Variants in SGMS1 observed in about 807,000 individuals in gnomAD.
The protein encoded by SGMS1 is phosphatidylcholine:ceramide cholinephosphotransferase 1.
In SGMS1, 13 loss-of-function variants were observed where a neutral mutation model predicts 46.2. That is an observed-to-expected ratio of 0.28 (90% CI 0.18 to 0.45). SGMS1 has a LOEUF of 0.45. SGMS1 is among the 20% of genes least tolerant of loss of function. The pLI is 1.00. For synonymous variants in SGMS1, 203 were observed against 187.8 expected (o/e 1.08, Z -0.66); for missense variants, 324 against 519.9 (o/e 0.62, Z 3.66).
chr10:50,516,391 T>C (rs1837806616), intron 3 of SGMS1, among the ~76,000 whole-genome samples: 1 of 152,072 alleles, frequency 6.6e-6, no homozygotes, highest in Non-Finnish European at 1.5e-5. Context: ...AAGAAACACA[T>C]CCACAGGCAG....
intron 1 of SGMS1, among the ~76,000 whole-genome samples, chr10:50,596,398 G>A (rs1233573713): frequency 1.3e-5 from 2 of 152,190 alleles, no homozygotes; most frequent in African/African-American, 4.8e-5. Flanking sequence ...AGCTGGTCTT[G>A]AATTCCTGAC....
intron 6 of SGMS1, among the ~76,000 whole-genome samples, chr10:50,370,534 A>G (rs1312825207): frequency 2.0e-5 from 3 of 151,618 alleles, no homozygotes; most frequent in African/African-American, 7.3e-5. Context: ...TGAGGTCAAG[A>G]GATTGAGACC....
intron 5 of SGMS1, among the ~76,000 whole-genome samples, chr10:50,441,694 G>A (rs1199684918): frequency 6.6e-6 from 1 of 152,194 alleles, no homozygotes; most frequent in Non-Finnish European, 1.5e-5. Context: ...AGAAAACACT[G>A]CTTCCTTACC....
chr10:50,458,009 G>A (rs1837214206), intron 5 of SGMS1, among the ~76,000 whole-genome samples: 1 of 152,192 alleles, frequency 6.6e-6, no homozygotes, highest in African/African-American at 2.4e-5. Flanking sequence ...GGTAAGCACT[G>A]GGTGGGAAAT....
intron 2 of SGMS1, among the ~76,000 whole-genome samples, chr10:50,533,975 A>G (rs1837977593): frequency 6.6e-6 from 1 of 152,196 alleles, no homozygotes; most frequent in Non-Finnish European, 1.5e-5. Context: ...ACTTGAGCCC[A>G]GGAGTTCAAG....
At chr10:50,501,214 A>G (rs1837658664) in intron 3 of SGMS1, among the ~76,000 whole-genome samples, 1 of 152,156 alleles carries the variant, frequency 6.6e-6, no homozygotes, top group South Asian at 2.1e-4. Flanking sequence ...TACTTGGAGT[A>G]AATTCTCATT....
In SGMS1 at chr10:50,327,325, A is replaced by C; in HGVS notation, c.624-3T>G. 1 of 1,535,942 alleles carries C rather than the reference A, an allele frequency of 6.5e-7. No individual in the cohort carries two copies. Among genetic ancestry groups the C allele is most frequent in the Non-Finnish European group, 9.0e-7 (1 of 1,112,856 alleles). ...AAAATCTTCTGCTAATAATAGACCTAGAAAAAGGGAAAAACAGGGCAGATT... is the reference window on the plus strand; with the variant it reads ...AAAATCTTCTGCTAATAATAGACCTCGAAAAAGGGAAAAACAGGGCAGATT... On this transcript the variant is annotated splice_region_variant and splice_polypyrimidine_tract_variant and intron_variant, in intron 7 of 10. Transcript: ENST00000361781.
chr10:50,606,504 GT>G (rs1449101174), intron 1 of SGMS1, among the ~76,000 whole-genome samples: 1 of 152,154 alleles, frequency 6.6e-6, no homozygotes, highest in Non-Finnish European at 1.5e-5. Context: ...CAAAAAAGAT[GT>G]TTGTACTTGT....
intron 6 of SGMS1, among the ~76,000 whole-genome samples, chr10:50,411,330 G>T (rs574496445): frequency 6.2e-4 from 95 of 152,264 alleles, no homozygotes; most frequent in African/African-American, 1.9e-3. Flanking sequence ...AAATCTGTTT[G>T]TTCCTTTATG....
rs114565582 is a variant in SGMS1 at position 50,332,076 on chromosome 10, C to T, written c.624-4754G>A. Among the ~76,000 whole-genome samples, 243 of 152,298 alleles carry T rather than the reference C, an allele frequency of 1.6e-3. 1 individual carries two copies. Among genetic ancestry groups the T allele is most frequent in the African/African-American group, 5.3e-3 (220 of 41,540 alleles). On this transcript the variant is annotated intron_variant, in intron 7 of 10. Transcript: ENST00000361781. The stretch of plus-strand genomic sequence containing the variant: ...GTTAAACAGGTATGTCCCTTAAAGC[C>T]CTCCAATGGTTGTCAAACTCATTTT...
intron 2 of SGMS1, among the ~76,000 whole-genome samples, chr10:50,535,581 G>C (rs1479788705): frequency 6.6e-6 from 1 of 152,102 alleles, no homozygotes; most frequent in Non-Finnish European, 1.5e-5. Flanking sequence ...TGTTGGCTAG[G>C]ATGGTCTCGA....
intron 7 of SGMS1, 25 bp from the exon 8 acceptor site, chr10:50,327,347 G>T: frequency 7.6e-7 from 1 of 1,322,336 alleles, no homozygotes; most frequent in Non-Finnish European, 1.1e-6. Flanking sequence ...AAACAGGGCA[G>T]ATTCTCAGTC....
chr10:50,453,478 C>T (rs1417668374), intron 5 of SGMS1, among the ~76,000 whole-genome samples: 7 of 151,070 alleles, frequency 4.6e-5, no homozygotes, highest in Admixed American at 2.6e-4. Flanking sequence ...ACGGCTTAAA[C>T]AGCAGATTAG....
chr10:50,587,832 G>C, intron 2 of SGMS1, among the ~76,000 whole-genome samples: 1 of 152,118 alleles, frequency 6.6e-6, no homozygotes, highest in Admixed American at 6.5e-5. Flanking sequence ...GGAAGCATGA[G>C]ATTGTGTTAG....
At chr10:50,565,024 G>A (rs1376181778) in intron 2 of SGMS1, among the ~76,000 whole-genome samples, 2 of 152,118 alleles carry the variant, frequency 1.3e-5, no homozygotes, top group South Asian at 2.1e-4. Flanking sequence ...GTCATTTGAG[G>A]GTTGGGGGAA....
intron 6 of SGMS1, among the ~76,000 whole-genome samples, chr10:50,350,937 C>T (rs1443844649): frequency 1.3e-5 from 2 of 152,110 alleles, no homozygotes; most frequent in Non-Finnish European, 2.9e-5. Flanking sequence ...AAGAGGGCCA[C>T]CATCCTCCAG....
intron 6 of SGMS1, among the ~76,000 whole-genome samples, chr10:50,379,859 C>T (rs137932217): frequency 1.6e-4 from 24 of 152,230 alleles, no homozygotes; most frequent in Middle Eastern, 6.8e-3. Flanking sequence ...TTCCTGGCAA[C>T]GGCAGTTCTG....
chr10:50,495,865 T>C (rs974173730), intron 3 of SGMS1, among the ~76,000 whole-genome samples: 12 of 152,180 alleles, frequency 7.9e-5, no homozygotes, highest in African/African-American at 2.9e-4. Context: ...TAAGAAAATT[T>C]GGCCTATCTC....
At chr10:50,365,420 T>C (rs112459144) in intron 6 of SGMS1, among the ~76,000 whole-genome samples, 1 of 152,164 alleles carries the variant, frequency 6.6e-6, no homozygotes, top group Non-Finnish European at 1.5e-5. Flanking sequence ...AAGTTTTTTT[T>C]AAAATTTTAT....
Sources: gnomAD v4.1 joint callset for allele counts (sites outside exome capture counted in the v4.1 genomes callset) on GRCh38, gnomAD v4.1.1 for gene constraint, MANE v1.5 for transcripts, NCBI Gene and HGNC (gene_info 2026-07-23, HGNC 2026-07-21) for gene names.